USH2A: variants seen among roughly 807,000 people sequenced by gnomAD.
USH2A encodes Usher syndrome 2A (autosomal recessive, mild).
A neutral mutation model predicts 538.9 loss-of-function variants in USH2A; 443 were observed. The observed-to-expected ratio is 0.82, with a 90% CI of 0.76 to 0.89. USH2A has a LOEUF of 0.89. Among genes scored for constraint, USH2A ranks in the 40% least tolerant of loss-of-function variants. The pLI, the probability that USH2A is intolerant of heterozygous loss-of-function variation, is 0.00. For synonymous variants in USH2A, 2,413 were observed against 2,273.5 expected, an observed-to-expected ratio of 1.06 and a Z score of -1.75; for missense variants, 6,633 against 6,324.8, an observed-to-expected ratio of 1.05 and a Z score of -1.65.
chr1:216,150,810 C>T (rs2033816741), intron 21 of USH2A, among the ~76,000 whole-genome samples: 1 of 152,064 alleles, frequency 6.6e-6, no homozygotes, highest in Non-Finnish European at 1.5e-5. Context: ...GGCAAAGACC[C>T]ACTGGAATTC....
intron 41 of USH2A, among the ~76,000 whole-genome samples, chr1:215,881,953 C>T (rs951425230): frequency 1.3e-5 from 2 of 152,188 alleles, no homozygotes; most frequent in Non-Finnish European, 2.9e-5. Flanking sequence ...ATCATGGCAC[C>T]TTCAAAGTTC....
intron 37 of USH2A, among the ~76,000 whole-genome samples, chr1:215,940,784 A>G (rs967420479): frequency 6.6e-6 from 1 of 152,174 alleles, no homozygotes; most frequent in African/African-American, 2.4e-5. Context: ...CATCTAGTCA[A>G]AGCTGTACTT....
At chr1:215,965,580 A>G in intron 36 of USH2A, 101 bp from the exon 37 acceptor site, 2 of 1,393,782 alleles carry the variant, frequency 1.4e-6, no homozygotes, top group Non-Finnish European at 2.0e-6. Flanking sequence ...TGTGAAGTAA[A>G]CTATTTTGAC....
In USH2A at chr1:216,104,672, A is replaced by G. The variant is rs535274902; in HGVS notation, c.4628-7459T>C. ...TTACACCTTATACAAAAATTAATTC[A>G]AGATGGATTAAAGACTTAAATGTTA... On this transcript the variant is annotated intron_variant, in intron 21 of 71. Coordinates refer to ENST00000307340, the MANE Select transcript of USH2A (RefSeq NM_206933.4). 5.9e-3 allele frequency among the ~76,000 whole-genome samples: 896 copies of G among 152,302 alleles called. 7 individuals carry two copies. The highest frequency in any genetic ancestry group is 0.021 in the African/African-American group (859 of 41,552).
At chr1:216,273,548 T>C (rs2036613964) in intron 11 of USH2A, among the ~76,000 whole-genome samples, 1 of 152,100 alleles carries the variant, frequency 6.6e-6, no homozygotes, top group Non-Finnish European at 1.5e-5. Context: ...AAGGTTAAAT[T>C]CAATTGAACA....
At chr1:215,802,978 A>T (rs1405906690) in intron 49 of USH2A, among the ~76,000 whole-genome samples, 2 of 152,202 alleles carry the variant, frequency 1.3e-5, no homozygotes, top group Middle Eastern at 3.2e-3. Context: ...GAATGGGAAC[A>T]TACACAAATC....
intron 11 of USH2A, among the ~76,000 whole-genome samples, chr1:216,279,924 C>A (rs977269447): frequency 6.6e-5 from 10 of 151,940 alleles, no homozygotes; most frequent in Admixed American, 2.0e-4. Flanking sequence ...GACTCTGGGG[C>A]TACCAGAAAA....
At chr1:216,091,793 T>C (rs1226638045) in intron 22 of USH2A, among the ~76,000 whole-genome samples, 1 of 152,204 alleles carries the variant, frequency 6.6e-6, no homozygotes, top group Non-Finnish European at 1.5e-5. Context: ...TGAAATTCTC[T>C]TCATAATTCA....
chr1:215,910,600 C>T (rs1665756621), intron 38 of USH2A, among the ~76,000 whole-genome samples: 1 of 151,884 alleles, frequency 6.6e-6, no homozygotes, highest in African/African-American at 2.4e-5. Flanking sequence ...TTGTTATGAT[C>T]TTTATCTTAC....
intron 47 of USH2A, among the ~76,000 whole-genome samples, chr1:215,826,640 A>G (rs1462116223): frequency 3.3e-5 from 5 of 152,314 alleles, no homozygotes; most frequent in Admixed American, 3.3e-4. Flanking sequence ...ACTCATAACT[A>G]AAAATAATTG....
chr1:215,814,803 A>G (rs1252186191), intron 48 of USH2A, among the ~76,000 whole-genome samples: 1 of 152,170 alleles, frequency 6.6e-6, no homozygotes, highest in African/African-American at 2.4e-5. Flanking sequence ...AAAACGAACT[A>G]AGACACCTGG....
At chr1:216,174,217 C>T in intron 21 of USH2A, 3 of 985,090 alleles carry the variant, frequency 3.0e-6, no homozygotes, top group Non-Finnish European at 3.6e-6. Flanking sequence ...TTCACATATG[C>T]AATATTTTAA....
intron 32 of USH2A, among the ~76,000 whole-genome samples, chr1:216,009,823 A>C (rs951443355): frequency 1.8e-4 from 27 of 152,004 alleles, no homozygotes; most frequent in Non-Finnish European, 5.9e-5. Flanking sequence ...CCCCAACCTG[A>C]CCAGCAATTT....
At chr1:216,419,826 A>ACATAATTTC (rs2039645597) in intron 2 of USH2A, among the ~76,000 whole-genome samples, 1 of 152,110 alleles carries the variant, frequency 6.6e-6, no homozygotes, top group Non-Finnish European at 1.5e-5. Context: ...TGTTTTTCAC[A>ACATAATTTC]CATAATTTCT....
At chr1:215,666,251 A>G (rs12035561) in intron 64 of USH2A, among the ~76,000 whole-genome samples, 55,492 of 152,036 alleles carry the variant, frequency 0.36, 10,308 homozygotes, top group South Asian at 0.55. Flanking sequence ...AAAAGAAAAT[A>G]AAACAACAAT....
At chr1:215,950,642 A>G (rs1666889889) in intron 37 of USH2A, among the ~76,000 whole-genome samples, 1 of 151,408 alleles carries the variant, frequency 6.6e-6, no homozygotes, top group African/African-American at 2.4e-5. Flanking sequence ...AGTAGCTGGG[A>G]TTACAGGCTC....
intron 22 of USH2A, among the ~76,000 whole-genome samples, chr1:216,096,623 G>A (rs1438780479): frequency 6.6e-6 from 1 of 151,812 alleles, no homozygotes; most frequent in African/African-American, 2.4e-5. Flanking sequence ...CCTTTGCAGG[G>A]GCATGGTCAT....
intron 35 of USH2A, among the ~76,000 whole-genome samples, chr1:215,980,012 G>T (rs767851741): frequency 6.6e-6 from 1 of 152,144 alleles, no homozygotes; most frequent in Non-Finnish European, 1.5e-5. Flanking sequence ...GACATTGGGA[G>T]AAACTGAATT....
At chr1:216,194,879 G>A (rs1194678406) in intron 19 of USH2A, among the ~76,000 whole-genome samples, 1 of 152,138 alleles carries the variant, frequency 6.6e-6, no homozygotes, top group Non-Finnish European at 1.5e-5. Flanking sequence ...GGTCCAGCCT[G>A]TGGTACAGGC....
Sources: gnomAD v4.1 joint callset for allele counts (sites outside exome capture counted in the v4.1 genomes callset) on GRCh38, gnomAD v4.1.1 for gene constraint, MANE v1.5 for transcripts, NCBI Gene and HGNC (gene_info 2026-07-23, HGNC 2026-07-21) for gene names.